Variants in RPS6KC1 observed in about 807,000 individuals in gnomAD.
The protein encoded by RPS6KC1 is ribosomal protein S6 kinase C1.
RPS6KC1 carries 54 observed loss-of-function variants against 103.8 expected under a neutral mutation model. The observed-to-expected ratio is 0.52, with a 90% CI of 0.42 to 0.65. The LOEUF is 0.65. Ranked by LOEUF, RPS6KC1 falls within the 30% of genes least tolerant of loss-of-function variation. The pLI, the probability that RPS6KC1 is intolerant of heterozygous loss-of-function variation, is 0.00. For synonymous variants in RPS6KC1, 439 were observed against 438.7 expected (o/e 1.00, Z -0.01); for missense variants, 1,151 against 1,253.8 (o/e 0.92, Z 1.24).
chr1:213,270,644 G>T (rs2095026977), intron 14 of RPS6KC1, among the ~76,000 whole-genome samples: 1 of 151,990 alleles, frequency 6.6e-6, no homozygotes, highest in African/African-American at 2.4e-5. Flanking sequence ...AAATTTTAAA[G>T]AAGGAAAATG....
chr1:213,535,057 G>A, the RPS6KC1 span, among the ~76,000 whole-genome samples: 6 of 152,186 alleles, frequency 3.9e-5, no homozygotes, highest in African/African-American at 1.4e-4. Flanking sequence ...GCATCAGGGG[G>A]ATTTGTGCAT....
the RPS6KC1 span, among the ~76,000 whole-genome samples, chr1:213,520,710 GA>G: frequency 6.6e-6 from 1 of 152,166 alleles, no homozygotes; most frequent in African/African-American, 2.4e-5. Context: ...GGTAGTTGGT[GA>G]GGGCTGATTT....
chr1:213,152,732 C>T (rs1307843826), intron 6 of RPS6KC1, among the ~76,000 whole-genome samples: 3 of 151,742 alleles, frequency 2.0e-5, no homozygotes, highest in Non-Finnish European at 2.9e-5. Context: ...GGCGGCCGGG[C>T]GGAGACGCTC....
At chr1:213,211,695 A>T (rs1435433277) in intron 8 of RPS6KC1, among the ~76,000 whole-genome samples, 2 of 152,240 alleles carry the variant, frequency 1.3e-5, no homozygotes, top group African/African-American at 4.8e-5. Flanking sequence ...TTCACATTTT[A>T]GTATGAGACA....
At chr1:213,476,545 G>C in the RPS6KC1 span, among the ~76,000 whole-genome samples, 1 of 152,136 alleles carries the variant, frequency 6.6e-6, no homozygotes, top group South Asian at 2.1e-4. Context: ...CAGGTTTATG[G>C]GGAGGGTGAA....
At chr1:213,140,280 G>A (rs2086857282) in intron 6 of RPS6KC1, among the ~76,000 whole-genome samples, 1 of 151,648 alleles carries the variant, frequency 6.6e-6, no homozygotes, top group South Asian at 2.1e-4. Context: ...AGTATCTTGC[G>A]AAGAAAGATG....
chr1:213,311,598 T>G, the RPS6KC1 span, among the ~76,000 whole-genome samples: 1 of 152,114 alleles, frequency 6.6e-6, no homozygotes, highest in Admixed American at 6.6e-5. Context: ...AAAGTCAGCC[T>G]TGGATTTCTT....
chr1:213,805,401 T>G, the RPS6KC1 span, among the ~76,000 whole-genome samples: 9 of 152,292 alleles, frequency 5.9e-5, no homozygotes, highest in Admixed American at 2.6e-4. Context: ...TGTAACATTC[T>G]AATCCTTTGT....
the RPS6KC1 span, among the ~76,000 whole-genome samples, chr1:213,422,509 A>C: frequency 6.6e-6 from 1 of 152,372 alleles, no homozygotes; most frequent in Non-Finnish European, 1.5e-5. Context: ...GGAAATATGC[A>C]GAAGTGGAAT....
At position 213,241,468 on chromosome 1, in the gene RPS6KC1, A is replaced by G. The variant is rs1328697543; in HGVS notation, c.1992A>G (p.Ser664=). ...CTCAGGACACCATTAGCAGGGGCTC[A>G]GATGACTCAGTGCCAGTTATTTCAT... ...FKAQDTISRG[S]DDSVPVISFK... Residue 664 remains serine, a synonymous_variant, in exon 11 of 15, where the codon TCA becomes TCG. Transcript: ENST00000366960. 1.2e-6 allele frequency: 2 copies of G among 1,613,872 alleles called. No individual in the cohort carries two copies. The highest frequency in any genetic ancestry group is 1.7e-6 in the Non-Finnish European group (2 of 1,179,902).
At chr1:213,671,051 A>G in the RPS6KC1 span, among the ~76,000 whole-genome samples, 2 of 152,204 alleles carry the variant, frequency 1.3e-5, no homozygotes, top group Admixed American at 6.5e-5. Flanking sequence ...AAAGCACAGA[A>G]AAGAAGGGAG....
the RPS6KC1 span, among the ~76,000 whole-genome samples, chr1:213,744,286 A>C: frequency 6.6e-6 from 1 of 152,092 alleles, no homozygotes; most frequent in Non-Finnish European, 1.5e-5. Flanking sequence ...TTCCCCAAAA[A>C]CTATTGAAAT....
the RPS6KC1 span, among the ~76,000 whole-genome samples, chr1:213,742,564 C>T: frequency 1.3e-5 from 2 of 152,250 alleles, no homozygotes; most frequent in East Asian, 1.9e-4. Flanking sequence ...CAGGTCTTTT[C>T]TCAGGAGAAG....
chr1:213,520,843 A>G, the RPS6KC1 span, among the ~76,000 whole-genome samples: 1 of 152,200 alleles, frequency 6.6e-6, no homozygotes, highest in Non-Finnish European at 1.5e-5. Context: ...ACAAACATTT[A>G]TTTTTAAATT....
the RPS6KC1 span, among the ~76,000 whole-genome samples, chr1:213,709,609 T>C: frequency 7.9e-5 from 12 of 151,268 alleles, no homozygotes; most frequent in African/African-American, 2.9e-4. Context: ...ATTTGTGATT[T>C]TAGGGTGTCA....
the RPS6KC1 span, among the ~76,000 whole-genome samples, chr1:213,406,743 C>T: frequency 6.6e-6 from 1 of 152,198 alleles, no homozygotes. Flanking sequence ...CAGCACTAAG[C>T]TATTGTGATG....
the RPS6KC1 span, among the ~76,000 whole-genome samples, chr1:213,591,265 GC>G: frequency 6.6e-6 from 1 of 152,128 alleles, no homozygotes; most frequent in African/African-American, 2.4e-5. Flanking sequence ...CCTCCTGAAG[GC>G]CAGGGTCAAT....
the RPS6KC1 span, among the ~76,000 whole-genome samples, chr1:213,780,971 C>G: frequency 1.3e-5 from 2 of 152,144 alleles, no homozygotes; most frequent in Non-Finnish European, 2.9e-5. Flanking sequence ...TTCAGTGAAT[C>G]AAGATCATGC....
intron 12 of RPS6KC1, among the ~76,000 whole-genome samples, chr1:213,246,154 T>C (rs2094451063): frequency 6.6e-6 from 1 of 152,106 alleles, no homozygotes; most frequent in African/African-American, 2.4e-5. Context: ...AACCCAGCCC[T>C]GTTTTCAAAG....
Sources: allele counts gnomAD v4.1 joint callset (sites outside exome capture counted in the v4.1 genomes callset), GRCh38; gene constraint gnomAD v4.1.1; transcripts MANE v1.5; gene names NCBI Gene and HGNC (gene_info 2026-07-23, HGNC 2026-07-21).